TLK2: variants seen among roughly 807,000 people sequenced by gnomAD.
TLK2 encodes tousled like kinase 2.
A neutral mutation model predicts 117.3 loss-of-function variants in TLK2; 6 were observed. The observed-to-expected ratio is 0.05, with a 90% CI of 0.03 to 0.10. The LOEUF (loss-of-function observed/expected upper bound fraction) is 0.10, where lower values mean the gene tolerates loss of function less well. TLK2 is among the 10% of genes least tolerant of loss of function. The probability of loss-of-function intolerance (pLI) is 1.00; values close to 1 mark genes in which losing one functional copy is unlikely to be tolerated. For missense variants in TLK2, 299 were observed against 901.2 expected, an observed-to-expected ratio of 0.33 and a Z score of 8.56; for synonymous variants, 257 against 316.7, an observed-to-expected ratio of 0.81 and a Z score of 2.00.
intron 7 of TLK2, among the ~76,000 whole-genome samples, chr17:62,547,043 T>C (rs1339659112): frequency 6.6e-6 from 1 of 152,210 alleles, no homozygotes; most frequent in Non-Finnish European, 1.5e-5. Context: ...TGATCCTCTC[T>C]GAACCTATTT....
At chr17:62,604,601 G>T (rs1307470509) in intron 19 of TLK2, among the ~76,000 whole-genome samples, 1 of 152,128 alleles carries the variant, frequency 6.6e-6, no homozygotes, top group Non-Finnish European at 1.5e-5. Flanking sequence ...TCAAGTGACA[G>T]GTCTTTTTAT....
At chr17:62,525,596 G>A (rs558315321) in intron 6 of TLK2, among the ~76,000 whole-genome samples, 5 of 152,066 alleles carry the variant, frequency 3.3e-5, no homozygotes, top group Admixed American at 3.3e-4. Flanking sequence ...GTACAGGCAT[G>A]TACCACTACG....
rs1346078565 is a variant in TLK2 at position 62,557,174 on chromosome 17, C to T, written c.721-2842C>T. On this transcript the variant is annotated intron_variant, in intron 9 of 21. Transcript: ENST00000346027. ...TCTTGGGCTCAAGCAAACCTCCTAC[C>T]TTGGCCTCCCAAAGTGCTGGGATAA... Among the ~76,000 whole-genome samples, 5 of 152,222 alleles carry T rather than the reference C, an allele frequency of 3.3e-5. No individual in the cohort carries two copies. The South Asian group carries it at 8.3e-4, about 25-fold the overall frequency.
intron 9 of TLK2, among the ~76,000 whole-genome samples, chr17:62,558,839 GA>G (rs996225403): frequency 1.3e-5 from 2 of 152,106 alleles, no homozygotes; most frequent in Non-Finnish European, 2.9e-5. Flanking sequence ...TTATACAAAA[GA>G]AAAAATGATA....
chr17:62,551,054 G>A (rs2078422426), intron 7 of TLK2: 1 of 152,276 alleles, frequency 6.6e-6, no homozygotes, highest in Non-Finnish European at 1.5e-5. Flanking sequence ...CTGTCCTCAA[G>A]TGATCCACCT....
intron 6 of TLK2, among the ~76,000 whole-genome samples, chr17:62,532,419 G>A (rs2076805731): frequency 6.6e-6 from 1 of 152,186 alleles, no homozygotes; most frequent in African/African-American, 2.4e-5. Context: ...TATCACAGGT[G>A]TTCTGGAGCC....
At chr17:62,540,090 C>CTTTCT (rs894928085) in intron 7 of TLK2, among the ~76,000 whole-genome samples, 1 of 146,458 alleles carries the variant, frequency 6.8e-6, no homozygotes, top group Non-Finnish European at 1.5e-5. Context: ...CTTCTTCTTT[C>CTTTCT]TTTCTTTTCT....
At chr17:62,504,271 A>G (rs1264851515) in intron 2 of TLK2, among the ~76,000 whole-genome samples, 3 of 152,208 alleles carry the variant, frequency 2.0e-5, no homozygotes, top group Non-Finnish European at 4.4e-5. Context: ...CCCAACATAT[A>G]GTACTGTTTT....
At chr17:62,612,028 C>T (rs904921813) in intron 21 of TLK2, 10 of 161,488 alleles carry the variant, frequency 6.2e-5, no homozygotes, top group Non-Finnish European at 1.2e-4. Flanking sequence ...GATGGAGGAC[C>T]GTGAAGTTAG....
intron 2 of TLK2, chr17:62,516,573 T>C (rs940295797): frequency 7.5e-5 from 120 of 1,609,756 alleles, no homozygotes; most frequent in Non-Finnish European, 9.9e-5. Flanking sequence ...AGTAGAAATG[T>C]CTCCAGGCAA....
intron 15 of TLK2, among the ~76,000 whole-genome samples, chr17:62,583,369 A>T (rs1484703796): frequency 6.6e-6 from 1 of 152,124 alleles, no homozygotes; most frequent in Admixed American, 6.5e-5. Flanking sequence ...TGCTGGGATT[A>T]TAGGCACAAG....
chr17:62,471,886 G>GTTTTTTTTTTTT, intron 1 of TLK2, among the ~76,000 whole-genome samples: 1 of 38,996 alleles, frequency 2.6e-5, no homozygotes, highest in Non-Finnish European at 5.5e-5. Context: ...AGGTAGTATA[G>GTTTTTTTTTTTT]TCTTTTTTTT....
Position 62,614,168 on chromosome 17 carries a change from T to C in TLK2, c.*1603T>C, listed in dbSNP as rs1434651613. ...AAAGGAGAAATAGATGTTTCAAATA[T>C]GAACATTCTTTTGGCACCAATTTTC... On this transcript the variant is annotated 3_prime_UTR_variant, in exon 22 of 22. Coordinates refer to ENST00000346027, the MANE Select transcript of TLK2 (RefSeq NM_006852.6). 1 of 150,846 alleles carries C rather than the reference T, an allele frequency of 6.6e-6. No individual in the cohort carries two copies. Among genetic ancestry groups the C allele is most frequent in the African/African-American group, 2.4e-5 (1 of 40,944 alleles). The allele number at this position is 150,846 out of a possible 1,614,324, so 9.3% of individuals were successfully genotyped here. A position where few individuals can be genotyped will look rare whatever the true frequency, so the allele number is the denominator to read the frequency against.
chr17:62,610,259 G>A (rs1177727331), intron 21 of TLK2, among the ~76,000 whole-genome samples: 1 of 152,216 alleles, frequency 6.6e-6, no homozygotes, highest in African/African-American at 2.4e-5. Flanking sequence ...ATTATCTCCT[G>A]TGTCCCTGTT....
rs563760258 is a variant in TLK2 at position 62,518,699 on chromosome 17, C to T, written c.82-2074C>T. Among the ~76,000 whole-genome samples the T allele has an allele frequency of 3.0e-4, 46 of 151,496 alleles. 1 individual carries two copies. In the South Asian group the frequency reaches 9.1e-3, roughly 30 times the overall value. ...CCAGCCTGGGCTACAGAGCGAGACTCCGTCTCCAAAAAAAAAAGAAAGAAA... is the reference window on the plus strand; with the variant it reads ...CCAGCCTGGGCTACAGAGCGAGACTTCGTCTCCAAAAAAAAAAGAAAGAAA... On this transcript the variant is annotated intron_variant, in intron 2 of 21. Coordinates refer to ENST00000346027, the MANE Select transcript of TLK2 (RefSeq NM_006852.6).
Position 62,520,832 on chromosome 17 carries a change from T to C in TLK2, c.141T>C (p.Asp47=). The change falls in exon 3 of 22, where the codon GAT becomes GAC. Residue 47 remains aspartate (D), a synonymous_variant. Transcript: ENST00000346027. ...TGTGCAGCGTCGGATCCTTGAGTGA[T>C]AAAGAAGTAGAGGTAAGAAGCTATG... ...QSLCSVGSLS[D]KEVETPEKKQ... 6.2e-7 allele frequency: 1 copy of C among 1,613,072 alleles called. No individual in the cohort carries two copies. Among genetic ancestry groups the C allele is most frequent in the South Asian group, 1.1e-5 (1 of 91,056 alleles).
chr17:62,485,024 C>T (rs1261893835), intron 2 of TLK2, among the ~76,000 whole-genome samples: 1 of 152,046 alleles, frequency 6.6e-6, no homozygotes, highest in African/African-American at 2.4e-5. Flanking sequence ...GAGCAAGGCT[C>T]CGTCTCAAAA....
intron 2 of TLK2, among the ~76,000 whole-genome samples, chr17:62,498,851 G>T (rs12936692): frequency 5.9e-4 from 89 of 152,018 alleles, no homozygotes; most frequent in Non-Finnish European, 9.6e-4. Flanking sequence ...CTTGATCAGC[G>T]ATTTCTTTGG....
intron 16 of TLK2, among the ~76,000 whole-genome samples, chr17:62,595,364 A>G (rs1173870257): frequency 6.6e-6 from 1 of 151,212 alleles, no homozygotes; most frequent in Non-Finnish European, 1.5e-5. Flanking sequence ...AAATACATAA[A>G]CCAATAATGT....
Sources: gnomAD v4.1 joint callset for allele counts (sites outside exome capture counted in the v4.1 genomes callset) on GRCh38, gnomAD v4.1.1 for gene constraint, MANE v1.5 for transcripts, NCBI Gene and HGNC (gene_info 2026-07-23, HGNC 2026-07-21) for gene names.